Variants in PCDHGB3 observed in about 807,000 individuals in gnomAD.
The protein encoded by PCDHGB3 is protocadherin gamma subfamily B, 3.
A neutral mutation model predicts 59.2 loss-of-function variants in PCDHGB3; 40 were observed. The observed-to-expected ratio is 0.68, with a 90% CI of 0.52 to 0.88. PCDHGB3 has a LOEUF of 0.88. PCDHGB3 is among the 40% of genes least tolerant of loss of function. The pLI is 0.00. For missense variants in PCDHGB3, 1,309 were observed against 1,187.9 expected (o/e 1.10, Z -1.50); for synonymous variants, 581 against 503.6 (o/e 1.15, Z -2.06).
rs151293422 is a variant in PCDHGB3, at chr5:141,487,556, A to G, written c.2416-7251A>G. ...GATGGTGAAGTCACCCAGTGCACCT[A>G]TGGCAGGGGAGCCTGTTCGCCCAAG... On this transcript the variant is annotated intron_variant, in intron 1 of 3. Coordinates refer to ENST00000576222, the MANE Select transcript of PCDHGB3 (RefSeq NM_018924.5). This position sits in a 1 kb window ranked among gnomAD's most constrained non-coding sequence, Gnocchi z 5.0. 2,837 of 1,614,100 alleles carry G rather than the reference A, an allele frequency of 1.8e-3. 31 individuals are homozygous for G. The highest frequency in any genetic ancestry group is 1.2e-3 in the South Asian group (105 of 91,084).
chr5:141,386,030 A>G (rs2090434667), intron 1 of PCDHGB3: 1 of 152,256 alleles, frequency 6.6e-6, no homozygotes, highest in African/African-American at 2.4e-5. Flanking sequence ...CATTTGTGAC[A>G]TAGGCAATTA....
chr5:141,371,859 T>A lies in PCDHGB3; in HGVS notation c.1465T>A (p.Tyr489Asn), dbSNP rs1314195914. ...PDLGPNGLVS[Y>N]YIVASDLEPR... Reference sequence around the variant, plus strand: ...CTTGGGACCTAATGGCCTTGTCTCCTACTACATCGTGGCCAGTGACCTGGA... The same window carrying A: ...CTTGGGACCTAATGGCCTTGTCTCCAACTACATCGTGGCCAGTGACCTGGA... The change falls in exon 1 of 4, where the codon TAC becomes AAC. Residue 489 changes from tyrosine to asparagine, a missense_variant. Coordinates refer to ENST00000576222, the MANE Select transcript of PCDHGB3 (RefSeq NM_018924.5). The A allele has an allele frequency of 6.2e-7, 1 of 1,613,576 alleles. No homozygotes were observed. Among genetic ancestry groups the A allele is most frequent in the Non-Finnish European group, 8.5e-7 (1 of 1,179,890 alleles).
intron 1 of PCDHGB3, chr5:141,389,928 C>A: frequency 6.2e-7 from 1 of 1,614,068 alleles, no homozygotes. Flanking sequence ...CCCCTCTGAC[C>A]TCCAGGCTGA....
chr5:141,499,634 C>A (rs1194596079), intron 2 of PCDHGB3, among the ~76,000 whole-genome samples: 1 of 151,220 alleles, frequency 6.6e-6, no homozygotes, highest in Non-Finnish European at 1.5e-5. Flanking sequence ...TCTTTTGAAG[C>A]AAATCTCAGA....
chr5:141,386,917 T>C (rs535277219), intron 1 of PCDHGB3, among the ~76,000 whole-genome samples: 1 of 152,302 alleles, frequency 6.6e-6, no homozygotes, highest in Non-Finnish European at 1.5e-5. Flanking sequence ...CCAAGGAATG[T>C]AAAATAAGTG....
At chr5:141,405,489 G>A (rs1008095215) in intron 1 of PCDHGB3, 51 of 894,082 alleles carry the variant, frequency 5.7e-5, no homozygotes, top group Non-Finnish European at 7.7e-5. Context: ...GTGTGATCTC[G>A]GCTCATTGCA....
intron 1 of PCDHGB3, chr5:141,395,039 T>A: frequency 6.2e-7 from 1 of 1,614,020 alleles, no homozygotes; most frequent in Non-Finnish European, 8.5e-7. Context: ...ATTTTGTGGG[T>A]GTTGAGGAGG....
At position 141,430,258 on chromosome 5, in the gene PCDHGB3, A is replaced by G. The variant is rs542653323; in HGVS notation, c.2415+57449A>G. On this transcript the variant is annotated intron_variant, in intron 1 of 3. Coordinates refer to ENST00000576222, the MANE Select transcript of PCDHGB3 (RefSeq NM_018924.5). ...GAGAAACTCCTAGGGAGACATCTCC[A>G]TAATAGGTGTGTTGGGGGAACAGTA... is the stretch of plus-strand genomic sequence containing the variant. Among the ~76,000 whole-genome samples the G allele has an allele frequency of 5.4e-5, 8 of 148,074 alleles. No homozygotes were observed. In the South Asian group the frequency reaches 8.5e-4, roughly 16 times the overall value.
At chr5:141,427,999 T>C (rs1319115693) in intron 1 of PCDHGB3, 9 of 1,601,068 alleles carry the variant, frequency 5.6e-6, no homozygotes, top group African/African-American at 1.3e-5. Context: ...GGCTCCGCAC[T>C]CTTCGATATA....
At chr5:141,400,760 C>G (rs1296918626) in intron 1 of PCDHGB3, 2 of 582,290 alleles carry the variant, frequency 3.4e-6, no homozygotes, top group Non-Finnish European at 6.0e-6. Context: ...TCCTCTCTAG[C>G]AAAAACATTT....
intron 1 of PCDHGB3, chr5:141,373,780 T>A (rs1403034903): frequency 7.2e-6 from 2 of 277,114 alleles, no homozygotes; most frequent in Non-Finnish European, 1.3e-5. Flanking sequence ...CTCTGCAGAT[T>A]TAGCAGAAAT....
intron 1 of PCDHGB3, chr5:141,394,971 C>T: frequency 6.2e-7 from 1 of 1,613,938 alleles, no homozygotes. Context: ...GAGGCGCTGG[C>T]ACAAGTCACG....
intron 1 of PCDHGB3, among the ~76,000 whole-genome samples, chr5:141,402,769 C>T (rs1404796973): frequency 6.6e-6 from 1 of 152,196 alleles, no homozygotes; most frequent in Non-Finnish European, 1.5e-5. Context: ...GGACTCCATC[C>T]GGATTTCCAG....
intron 1 of PCDHGB3, chr5:141,418,786 TGAA>T: frequency 1.2e-6 from 2 of 1,613,854 alleles, no homozygotes; most frequent in Non-Finnish European, 8.5e-7. Flanking sequence ...CTTTGGATTT[TGAA>T]GAAGTAGAAA....
intron 3 of PCDHGB3, among the ~76,000 whole-genome samples, chr5:141,505,942 G>A (rs2099849309): frequency 6.6e-6 from 1 of 152,192 alleles, no homozygotes; most frequent in African/African-American, 2.4e-5. Flanking sequence ...AAGCCCTCAA[G>A]CAATGAAAGT....
chr5:141,476,233 G>A lies in PCDHGB3; in HGVS notation c.2416-18574G>A, dbSNP rs1162067190. ...CGGTCATTCACTATGAGATCCCGGA[G>A]GAAAGAGAGAAGGGTTTCGCTGTGG... On this transcript the variant is annotated intron_variant, in intron 1 of 3. Coordinates refer to ENST00000576222, the MANE Select transcript of PCDHGB3 (RefSeq NM_018924.5). The surrounding 1 kb of genome is among the most constrained non-coding windows in gnomAD (Gnocchi z 7.6). The A allele has an allele frequency of 3.1e-6, 5 of 1,613,996 alleles. No homozygotes were observed. Among genetic ancestry groups the A allele is most frequent in the African/African-American group, 2.7e-5 (2 of 74,894 alleles).
intron 1 of PCDHGB3, chr5:141,421,588 G>A: frequency 1.2e-6 from 2 of 1,613,910 alleles, no homozygotes; most frequent in Non-Finnish European, 8.5e-7. Context: ...TTACGGAGTG[G>A]AGGTGGAAAT....
rs779871354 is a variant in PCDHGB3 at position 141,428,131 on chromosome 5, G to A, written c.2415+55322G>A. 8.7e-6 allele frequency: 14 copies of A among 1,602,720 alleles called. No homozygotes were observed. The South Asian group carries it at 1.5e-4, about 18-fold the overall frequency. On this transcript the variant is annotated intron_variant, in intron 1 of 3. Transcript: ENST00000576222. ...CAGGCCATCGAGCCCGGGCTTTTCA[G>A]CCTGGGGCTGCACACGGGAACCTGC...
rs147783721 is a variant in PCDHGB3 at position 141,404,989 on chromosome 5, G to A, written c.2415+32180G>A. 5 of 1,614,046 alleles carry A rather than the reference G, an allele frequency of 3.1e-6. No homozygotes were observed. The South Asian group carries it at 4.4e-5, about 14-fold the overall frequency. On this transcript the variant is annotated intron_variant, in intron 1 of 3. Coordinates refer to ENST00000576222, the MANE Select transcript of PCDHGB3 (RefSeq NM_018924.5). The stretch of plus-strand genomic sequence containing the variant: ...TCCTGGCTGACCTGGGCAGTCTTCA[G>A]ATCCCTGCAGACCTGGAGGCCTCAG...
Sources: gnomAD v4.1 joint callset for allele counts (sites outside exome capture counted in the v4.1 genomes callset) on GRCh38, gnomAD v4.1.1 for gene constraint, Gnocchi (gnomAD v3.1) non-coding constraint, MANE v1.5 for transcripts, NCBI Gene and HGNC (gene_info 2026-07-23, HGNC 2026-07-21) for gene names.